SMARCA5: variants seen among roughly 807,000 people sequenced by gnomAD.
SMARCA5 encodes the protein SWI/SNF-related matrix-associated actin-dependent regulator of chromatin subfamily A member 5.
Under a neutral mutation model 140.4 loss-of-function variants are expected in SMARCA5, and 18 were observed. The observed-to-expected ratio is 0.13, with a 90% confidence interval of 0.09 to 0.19. SMARCA5 has a LOEUF of 0.19. Ranked by LOEUF, SMARCA5 falls within the 10% of genes least tolerant of loss-of-function variation. The probability of loss-of-function intolerance (pLI) is 1.00; values close to 1 mark genes in which losing one functional copy is unlikely to be tolerated. For synonymous variants in SMARCA5, 449 were observed against 419.6 expected (o/e 1.07, Z -0.86); for missense variants, 606 against 1,276.8 (o/e 0.47, Z 8.01).
chr4:143,549,978 A>G lies in SMARCA5; in HGVS notation c.2986-19A>G, dbSNP rs1737611544. ...CTTGTGGATGGAAAGTGCGTGTACC[A>G]TGTTTGTTTATAATTTAGGAGCTCC... On this transcript the variant is annotated intron_variant, in intron 22 of 23. Coordinates refer to ENST00000283131, the MANE Select transcript of SMARCA5 (RefSeq NM_003601.4). The G allele has an allele frequency of 2.9e-6, 4 of 1,368,344 alleles. No individual in the cohort carries two copies. The highest frequency in any genetic ancestry group is 2.3e-5 in the East Asian group (1 of 43,364). The allele number at this position is 1,368,344 out of a possible 1,614,324, so 84.8% of individuals were successfully genotyped here. A position where few individuals can be genotyped will look rare whatever the true frequency, so the allele number is the denominator to read the frequency against.
At chr4:143,546,205 T>C (rs1038563160) in intron 19 of SMARCA5, among the ~76,000 whole-genome samples, 158 bp downstream of exon 19, 2 of 152,178 alleles carry the variant, frequency 1.3e-5, no homozygotes, top group African/African-American at 4.8e-5. Context: ...CTCCATCTGA[T>C]TGTCACTAGT....
intron 19 of SMARCA5, 102 bp from the exon 20 acceptor site, chr4:143,546,674 C>T (rs1737532056): frequency 2.8e-6 from 3 of 1,055,818 alleles, no homozygotes; most frequent in Non-Finnish European, 1.4e-6. Flanking sequence ...ACTTAATAAA[C>T]TAGTGAAAAT....
chr4:143,517,698 A>G (rs967799250), intron 2 of SMARCA5, among the ~76,000 whole-genome samples: 2 of 152,156 alleles, frequency 1.3e-5, no homozygotes, highest in African/African-American at 4.8e-5. Flanking sequence ...CTTTTATAAC[A>G]AGCTCACTGG....
intron 19 of SMARCA5, among the ~76,000 whole-genome samples, chr4:143,546,509 T>C (rs1461941533): frequency 6.6e-6 from 1 of 152,156 alleles, no homozygotes; most frequent in Non-Finnish European, 1.5e-5. Context: ...GGCCAACTGC[T>C]AGTAATCCTT....
intron 11 of SMARCA5, among the ~76,000 whole-genome samples, chr4:143,537,639 G>T (rs1737340825): frequency 6.6e-6 from 1 of 152,088 alleles, no homozygotes; most frequent in African/African-American, 2.4e-5. Context: ...GGAAAATGGA[G>T]ACTATTAAGT....
intron 9 of SMARCA5, among the ~76,000 whole-genome samples, chr4:143,532,713 G>C (rs1737216298): frequency 6.8e-6 from 1 of 146,768 alleles, no homozygotes; most frequent in South Asian, 2.2e-4. Context: ...CCCCCTTTAG[G>C]GGTTACTAAG....
intron 23 of SMARCA5, among the ~76,000 whole-genome samples, chr4:143,552,588 A>G (rs199980338): frequency 1.3e-5 from 2 of 152,212 alleles, no homozygotes; most frequent in South Asian, 2.1e-4. Context: ...TAATTTTAGA[A>G]TAATTTAAGA....
intron 22 of SMARCA5, among the ~76,000 whole-genome samples, chr4:143,548,725 A>T (rs1737579254): frequency 6.6e-6 from 1 of 152,052 alleles, no homozygotes; most frequent in Admixed American, 6.6e-5. Context: ...TTGAACTTTG[A>T]GCTTCAACTT....
At chr4:143,526,490 G>T in intron 6 of SMARCA5, 30 bp downstream of exon 6, 1 of 1,494,504 alleles carries the variant, frequency 6.7e-7, no homozygotes, top group Non-Finnish European at 9.3e-7. Context: ...TTACATTTTT[G>T]AGGCTAAAAT....
In SMARCA5 at chr4:143,550,063, A is replaced by C; in HGVS notation, c.3052A>C (p.Lys1018Gln). ...IERENMELEEKEKAEKKKRGP... is the reference protein window; with the variant it reads ...IERENMELEEQEKAEKKKRGP... ...AAGAGAAAACATGGAACTAGAAGAA[A>C]AGGAGAAGGCAGAGAAAAAGAAACG... Residue 1018 changes from lysine (K) to glutamine (Q), a missense_variant, in exon 23 of 24, where the codon AAG becomes CAG. Physicochemically the swap from Lys to Gln is moderately conservative, Grantham distance 53 (BLOSUM62 1). Transcript: ENST00000283131. 1 of 1,593,060 alleles carries C rather than the reference A, an allele frequency of 6.3e-7. No homozygotes were observed. Among genetic ancestry groups the C allele is most frequent in the South Asian group, 1.2e-5 (1 of 86,658 alleles).
chr4:143,541,897 AC>A (rs1339891952), intron 14 of SMARCA5, among the ~76,000 whole-genome samples: 4 of 148,466 alleles, frequency 2.7e-5, no homozygotes, highest in African/African-American at 1.0e-4. Flanking sequence ...TGTTCTTGTT[AC>A]TCAGGCTGGA....
intron 5 of SMARCA5, 45 bp from the exon 6 acceptor site, chr4:143,526,234 AAT>A (rs1311047146): frequency 6.9e-7 from 1 of 1,459,252 alleles, no homozygotes; most frequent in Admixed American, 1.8e-5. Flanking sequence ...ATTGTGAAAT[AAT>A]ATTTTCATTT....
At chr4:143,550,927 T>C (rs1038245203) in intron 23 of SMARCA5, among the ~76,000 whole-genome samples, 3 of 152,058 alleles carry the variant, frequency 2.0e-5, no homozygotes, top group African/African-American at 4.8e-5. Context: ...TGACTTTCTT[T>C]TGGGTGTAAA....
Position 143,555,055 on chromosome 4 carries a change from C to G in SMARCA5, c.*1871C>G. 1.8e-6 allele frequency: 1 copy of G among 566,384 alleles called. No homozygotes were observed. Among genetic ancestry groups the G allele is most frequent in the Non-Finnish European group, 3.3e-6 (1 of 301,102 alleles). The allele number at this position is 566,384 out of a possible 1,614,324, so 35.1% of individuals were successfully genotyped here. A position where few individuals can be genotyped will look rare whatever the true frequency, so the allele number is the denominator to read the frequency against. ...TGTCACTTCTCTGGCTTTCCTCTCC[C>G]GCTAAGCTTTTGTTTCCTGGCAGTA... On this transcript the variant is annotated 3_prime_UTR_variant, in exon 24 of 24. Transcript: ENST00000283131.
At chr4:143,524,140 G>T (rs929742045) in intron 3 of SMARCA5, among the ~76,000 whole-genome samples, 1 of 152,016 alleles carries the variant, frequency 6.6e-6, no homozygotes, top group Non-Finnish European at 1.5e-5. Context: ...TTGGGTTCTG[G>T]TTAATGTATC....
rs1737409226 is a variant in SMARCA5 at position 143,540,636 on chromosome 4, A to T, written c.1903+141A>T. 5 of 734,008 alleles carry T rather than the reference A, an allele frequency of 6.8e-6. No homozygotes were observed. The East Asian group carries it at 1.4e-4, about 20-fold the overall frequency. The allele number at this position is 734,008 out of a possible 1,614,324, so 45.5% of individuals were successfully genotyped here. A position where few individuals can be genotyped will look rare whatever the true frequency, so the allele number is the denominator to read the frequency against. Reference sequence around the variant, plus strand: ...AGTAGAGATGACTTGTATTGCAAATACAGTAAACTTTAGTTTTGTCATTAA... The same window carrying T: ...AGTAGAGATGACTTGTATTGCAAATTCAGTAAACTTTAGTTTTGTCATTAA... On this transcript the variant is annotated intron_variant, in intron 14 of 23. Transcript: ENST00000283131.
intron 3 of SMARCA5, among the ~76,000 whole-genome samples, chr4:143,522,121 A>G (rs747123536): frequency 1.3e-5 from 2 of 152,292 alleles, no homozygotes; most frequent in African/African-American, 4.8e-5. Context: ...AGGCTCCTCC[A>G]TCACATACAG....
intron 22 of SMARCA5, chr4:143,548,347 T>C (rs531197798): frequency 1.1e-5 from 4 of 380,640 alleles, no homozygotes; most frequent in African/African-American, 8.2e-5. Flanking sequence ...CACTATATGA[T>C]AAGACTAGCT....
At chr4:143,538,476 T>A in intron 11 of SMARCA5, 114 bp from the exon 12 acceptor site, 2 of 839,186 alleles carry the variant, frequency 2.4e-6, no homozygotes, top group Non-Finnish European at 3.8e-6. Flanking sequence ...TTCCCCCTTG[T>A]AACCAAGTAG....
Sources: gnomAD v4.1 joint callset for allele counts (sites outside exome capture counted in the v4.1 genomes callset) on GRCh38, gnomAD v4.1.1 for gene constraint, MANE v1.5 for transcripts, NCBI Gene and HGNC (gene_info 2026-07-23, HGNC 2026-07-21) for gene names.